SGO2: variants seen among roughly 807,000 people sequenced by gnomAD.
The protein encoded by SGO2 is shugoshin 2.
In SGO2, 68 loss-of-function variants were observed where a neutral mutation model predicts 99.5. That is an observed-to-expected ratio of 0.68 (90% CI 0.56 to 0.84). The LOEUF (loss-of-function observed/expected upper bound fraction) is 0.84. SGO2 is among the 40% of genes least tolerant of loss of function. The pLI, the probability that SGO2 is intolerant of heterozygous loss-of-function variation, is 0.00. For missense variants in SGO2, 1,350 were observed against 1,436.7 expected, an observed-to-expected ratio of 0.94 and a Z score of 0.97; for synonymous variants, 457 against 487.1, an observed-to-expected ratio of 0.94 and a Z score of 0.81.
chr2:200,574,982 A>C (rs2033600472), intron 7 of SGO2, among the ~76,000 whole-genome samples: 1 of 152,066 alleles, frequency 6.6e-6, no homozygotes, highest in Non-Finnish European at 1.5e-5. Context: ...TTGTTAGAAG[A>C]CTGGTGAGAC....
chr2:200,572,863 T>G lies in SGO2; in HGVS notation c.2517T>G (p.Asp839Glu), dbSNP rs1259355093. 8 of 1,595,736 alleles carry G rather than the reference T, an allele frequency of 5.0e-6. No homozygotes were observed. The highest frequency in any genetic ancestry group is 6.8e-6 in the Non-Finnish European group (8 of 1,174,782). ...DNKGVHDLEK[D>E]NFFSLTPKDK... ...AAGGTGTACATGACCTAGAAAAAGA[T>G]AACTTCTTCTCTCTAACCCCAAAGG... The change falls in exon 7 of 9, where the codon GAT becomes GAG. Residue 839 changes from aspartate (D) to glutamate (E), a missense_variant. By Grantham distance (45) the Asp-to-Glu change is conservative. Coordinates refer to ENST00000357799, the MANE Select transcript of SGO2 (RefSeq NM_152524.6).
chr2:200,533,166 T>C (rs1311479095), intron 2 of SGO2, 58 bp downstream of exon 2: 1 of 1,468,662 alleles, frequency 6.8e-7, no homozygotes, highest in Non-Finnish European at 9.1e-7. Flanking sequence ...AGAATTGTTA[T>C]ATATTTGCTA....
At chr2:200,546,596 T>A (rs2032231403) in intron 5 of SGO2, among the ~76,000 whole-genome samples, 2 of 151,874 alleles carry the variant, frequency 1.3e-5, no homozygotes, top group Admixed American at 1.3e-4. Context: ...TAAATAGTAG[T>A]TTTAAGGAAA....
chr2:200,574,780 A>C (rs748281511), intron 7 of SGO2, among the ~76,000 whole-genome samples: 6 of 152,060 alleles, frequency 3.9e-5, no homozygotes, highest in Admixed American at 6.6e-5. Flanking sequence ...AATCTATGGA[A>C]TTTTAAATAT....
chr2:200,583,205 G>T (rs976937051), intron 8 of SGO2, among the ~76,000 whole-genome samples: 2 of 152,122 alleles, frequency 1.3e-5, no homozygotes, highest in African/African-American at 4.8e-5. Context: ...TAATAAACAT[G>T]TAATATATAA....
intron 5 of SGO2, among the ~76,000 whole-genome samples, chr2:200,547,496 A>C (rs1182936611): frequency 6.6e-6 from 1 of 152,220 alleles, no homozygotes; most frequent in Non-Finnish European, 1.5e-5. Context: ...ATCCTTTGTT[A>C]ACTGTATTTA....
At chr2:200,560,594 T>A (rs1231957124) in intron 5 of SGO2, among the ~76,000 whole-genome samples, 4 of 152,150 alleles carry the variant, frequency 2.6e-5, no homozygotes, top group African/African-American at 9.6e-5. Context: ...TAATGCAAAC[T>A]TTGCGTTCCT....
intron 4 of SGO2, among the ~76,000 whole-genome samples, chr2:200,539,050 CTATGTTCTTTAAAAGTGA>C (rs1183887318): frequency 6.6e-6 from 1 of 151,784 alleles, no homozygotes; most frequent in African/African-American, 2.4e-5. Flanking sequence ...TTTACTTTTT[CTATGTTCTTTAAAAGTGA>C]TACAGTATTA....
rs1050300036 is a variant in SGO2, at chr2:200,573,946, A to T, written c.3600A>T (p.Lys1200Asn). Residue 1200 changes from lysine to asparagine, a missense_variant, in exon 7 of 9, where the codon AAA (lysine) becomes AAT (asparagine). Transcript: ENST00000357799. ...AGAAGATGAACAAGATGAAATTTAA[A>T]GTCAACCGGAGAACCCAAAAATCAG... ...EHEKMNKMKF[K>N]VNRRTQKSGI... is the part of the protein sequence containing the mutation. The T allele has an allele frequency of 6.3e-7, 1 of 1,596,060 alleles. No homozygotes were observed. Among genetic ancestry groups the T allele is most frequent in the East Asian group, 2.2e-5 (1 of 44,742 alleles).
intron 5 of SGO2, among the ~76,000 whole-genome samples, chr2:200,552,524 A>G (rs1413718027): frequency 6.6e-6 from 1 of 152,154 alleles, no homozygotes; most frequent in Non-Finnish European, 1.5e-5. Context: ...CAAGGGGTGG[A>G]TTATTCATGA....
chr2:200,544,793 T>A (rs561190891), intron 5 of SGO2, among the ~76,000 whole-genome samples: 1 of 152,220 alleles, frequency 6.6e-6, no homozygotes, highest in East Asian at 1.9e-4. Flanking sequence ...CAATTTACAT[T>A]ATTACTAACA....
intron 2 of SGO2, among the ~76,000 whole-genome samples, chr2:200,533,547 G>GTGTGTA (rs1396628320): frequency 0.017 from 2,399 of 143,024 alleles, 31 homozygotes; most frequent in Non-Finnish European, 0.022. Flanking sequence ...GTGTGTGTGT[G>GTGTGTA]TATACATGTG....
At chr2:200,541,933 C>T (rs571828572) in intron 4 of SGO2, among the ~76,000 whole-genome samples, 32 of 151,910 alleles carry the variant, frequency 2.1e-4, no homozygotes, top group Non-Finnish European at 4.1e-4. Flanking sequence ...GTCTCAATTA[C>T]TGTAACCCTC....
At chr2:200,578,182 A>ATAGATATAGATATAGATC (rs1413848030) in intron 8 of SGO2, among the ~76,000 whole-genome samples, 16 of 152,096 alleles carry the variant, frequency 1.1e-4, no homozygotes, top group Non-Finnish European at 2.1e-4. Context: ...AGATATAGAT[A>ATAGATATAGATATAGATC]TATATCGTGG....
chr2:200,550,082 G>A (rs1055659661), intron 5 of SGO2, among the ~76,000 whole-genome samples: 2 of 152,100 alleles, frequency 1.3e-5, no homozygotes, highest in Non-Finnish European at 1.5e-5. Context: ...AAAAGAAGTC[G>A]AGAAAGCAAT....
chr2:200,546,192 A>AAT (rs1247678143), intron 5 of SGO2, among the ~76,000 whole-genome samples: 2 of 151,522 alleles, frequency 1.3e-5, no homozygotes, highest in Admixed American at 6.6e-5. Flanking sequence ...AAAAAAAAAA[A>AAT]AATACAAAAA....
At chr2:200,577,536 G>A (rs1026709054) in intron 8 of SGO2, among the ~76,000 whole-genome samples, 1 of 152,122 alleles carries the variant, frequency 6.6e-6, no homozygotes, top group Non-Finnish European at 1.5e-5. Flanking sequence ...CAAAACTAAA[G>A]AATTAGCATT....
chr2:200,560,894 A>T (rs2032915092), intron 5 of SGO2, among the ~76,000 whole-genome samples: 1 of 152,154 alleles, frequency 6.6e-6, no homozygotes, highest in African/African-American at 2.4e-5. Context: ...TTAATTATGA[A>T]TTTAATTTTT....
intron 8 of SGO2, among the ~76,000 whole-genome samples, chr2:200,583,202 CAT>C (rs1362029005): frequency 1.3e-5 from 2 of 152,050 alleles, no homozygotes; most frequent in African/African-American, 4.8e-5. Flanking sequence ...ATGTAATAAA[CAT>C]GTAATATATA....
Sources: gnomAD v4.1 joint callset for allele counts (sites outside exome capture counted in the v4.1 genomes callset) on GRCh38, gnomAD v4.1.1 for gene constraint, MANE v1.5 for transcripts, NCBI Gene and HGNC (gene_info 2026-07-23, HGNC 2026-07-21) for gene names.